The following ZPBP2 variants were observed in gnomAD, a reference collection of about 807,000 sequenced individuals.
ZPBP2 encodes the protein zona pellucida binding protein 2, also known as zona pellucida-binding protein 2.
In ZPBP2, 34 loss-of-function variants were observed where a neutral mutation model predicts 37.5. That is an observed-to-expected ratio of 0.91 (90% confidence interval 0.69 to 1.21). The LOEUF (loss-of-function observed/expected upper bound fraction) is 1.21, where lower values mean the gene tolerates loss of function less well. ZPBP2 is among the 50% of genes most tolerant of loss of function. ZPBP2 has a pLI of 0.00. For synonymous variants in ZPBP2, 143 were observed against 138.4 expected, an observed-to-expected ratio of 1.03 and a Z score of -0.23; for missense variants, 397 against 413.5, an observed-to-expected ratio of 0.96 and a Z score of 0.35.
In ZPBP2 at chr17:39,877,551, A is replaced by G. The variant is rs528584488; in HGVS notation, c.*742A>G. On this transcript the variant is annotated 3_prime_UTR_variant, in exon 8 of 8. Coordinates refer to ENST00000348931, the MANE Select transcript of ZPBP2 (RefSeq NM_199321.3). Reference sequence around the variant, plus strand: ...TGTGTGCACCATTGCAGTCTCATACAGAATAGTTTCACCACCCTCAAAATC... The same window carrying G: ...TGTGTGCACCATTGCAGTCTCATACGGAATAGTTTCACCACCCTCAAAATC... 2 of 152,166 alleles carry G rather than the reference A, an allele frequency of 1.3e-5. No individual in the cohort carries two copies. Among genetic ancestry groups the G allele is most frequent in the African/African-American group, 4.8e-5 (2 of 41,408 alleles). 9.4% of individuals were successfully genotyped at this position (152,166 alleles called of 1,614,324 possible).
intron 7 of ZPBP2, among the ~76,000 whole-genome samples, chr17:39,876,049 T>C (rs1249856117): frequency 6.6e-6 from 1 of 151,546 alleles, no homozygotes; most frequent in Non-Finnish European, 1.5e-5. Context: ...GGATTACAGG[T>C]GTGCAATCTG....
Position 39,873,061 on chromosome 17 carries a change from G to A in ZPBP2, c.643G>A (p.Gly215Arg). ...IAFQVNPFAP[G>R]WKGACNGSVD... is the part of the protein sequence containing the mutation. ...CTCTTCAGTTAATCCTTTTGCGCCG[G>A]GGTGGAAAGGTGCTTGCAATGGATC... The change falls in exon 6 of 8, where the codon GGG becomes AGG. Residue 215 changes from glycine to arginine, a missense_variant. Physicochemically the swap from Gly to Arg is moderately radical, Grantham distance 125. Transcript: ENST00000348931. The A allele has an allele frequency of 6.2e-7, 1 of 1,611,228 alleles. No homozygotes were observed. Among genetic ancestry groups the A allele is most frequent in the Non-Finnish European group, 8.5e-7 (1 of 1,178,830 alleles).
At position 39,868,278 on chromosome 17, in the gene ZPBP2, T is replaced by G; in HGVS notation, c.-77T>G. ...GTTCTGCTCCGCACTGTGGAGGAGG[T>G]GGGGAGGTGTTGGGCCAGGGCTGAG... On this transcript the variant is annotated 5_prime_UTR_variant, in exon 1 of 8. Coordinates refer to ENST00000348931, the MANE Select transcript of ZPBP2 (RefSeq NM_199321.3). 1 of 1,528,272 alleles carries G rather than the reference T, an allele frequency of 6.5e-7. No homozygotes were observed. The highest frequency in any genetic ancestry group is 8.9e-7 in the Non-Finnish European group (1 of 1,122,234). The allele number at this position is 1,528,272 out of a possible 1,614,324, so 94.7% of individuals were successfully genotyped here.
At position 39,876,665 on chromosome 17, in the gene ZPBP2, T is replaced by C. The variant is rs200705238; in HGVS notation, c.890-17T>C. 85 of 1,612,558 alleles carry C rather than the reference T, an allele frequency of 5.3e-5. No individual in the cohort carries two copies. The highest frequency in any genetic ancestry group is 6.1e-5 in the Non-Finnish European group (72 of 1,179,160). On this transcript the variant is annotated splice_polypyrimidine_tract_variant and intron_variant, in intron 7 of 7. Coordinates refer to ENST00000348931, the MANE Select transcript of ZPBP2 (RefSeq NM_199321.3). ...ATATCTCTAAATTATAATTACTCCC[T>C]GTGTTTTCCTCTGCAGTGGTTTGTA...
chr17:39,870,741 A>G lies in ZPBP2; in HGVS notation c.166A>G (p.Met56Val), dbSNP rs773660363. ...LHQNSPVLIC[M>V]DFKLSKKEIV... ...TCAAAATAGTCCAGTCCTTATCTGT[A>G]TGGATTTTAAGCTTTCTAAAAAAGA... The change falls in exon 3 of 8, where the codon ATG (methionine) becomes GTG (valine). Residue 56 changes from methionine (M) to valine (V), a missense_variant. By Grantham distance (21) the Met-to-Val change is conservative (BLOSUM62 1). Coordinates refer to ENST00000348931, the MANE Select transcript of ZPBP2 (RefSeq NM_199321.3). The G allele has an allele frequency of 7.0e-6, 11 of 1,560,926 alleles. No individual in the cohort carries two copies. The highest frequency in any genetic ancestry group is 1.3e-5 in the African/African-American group (1 of 74,198).
chr17:39,873,531 T>A (rs1339584669), intron 6 of ZPBP2, among the ~76,000 whole-genome samples: 1 of 152,072 alleles, frequency 6.6e-6, no homozygotes, highest in East Asian at 1.9e-4. Flanking sequence ...AAGATGTGAT[T>A]TTTTTTTCTT....
intron 6 of ZPBP2, among the ~76,000 whole-genome samples, chr17:39,874,145 C>A (rs1419168950): frequency 2.6e-5 from 4 of 151,838 alleles, no homozygotes; most frequent in Admixed American, 6.6e-5. Flanking sequence ...ACCACCACAC[C>A]CACACCCGGC....
intron 7 of ZPBP2, among the ~76,000 whole-genome samples, chr17:39,875,883 CTTTTTTTTTTTTTT>C (rs34192567): frequency 1.7e-4 from 11 of 63,770 alleles, no homozygotes; most frequent in South Asian, 1.1e-3. Flanking sequence ...TGCTTGGCCC[CTTTTTTTTTTTTTT>C]TTTTTTTTTT....
rs2063393287 is a variant in ZPBP2, at chr17:39,876,879, T to C, written c.*70T>C. The C allele has an allele frequency of 3.2e-6, 5 of 1,581,740 alleles. No homozygotes were observed. Among genetic ancestry groups the C allele is most frequent in the African/African-American group, 2.7e-5 (2 of 74,048 alleles). On this transcript the variant is annotated 3_prime_UTR_variant, in exon 8 of 8. Transcript: ENST00000348931. ...ATGATTTTCACATCCCAGAGCATCA[T>C]AGATAGTTCCATTAAGTAAAATCAG...
In ZPBP2 at chr17:39,868,657, G is replaced by GA. The variant is rs773095706; in HGVS notation, c.118+45dup. On this transcript the variant is annotated intron_variant, in intron 2 of 7. Transcript: ENST00000348931. ...ACACGCGGGCCCATTGGAGGGGCCG[G>GA]AACTGCGAAGCTCTTCCCGGAAGAG... 1.1e-5 allele frequency: 18 copies of GA among 1,609,194 alleles called. No individual in the cohort carries two copies. The East Asian group carries it at 4.0e-4, about 36-fold the overall frequency.
intron 6 of ZPBP2, 27 bp from the exon 7 acceptor site, chr17:39,875,227 C>G: frequency 6.3e-7 from 1 of 1,595,504 alleles, no homozygotes; most frequent in Non-Finnish European, 8.5e-7. Flanking sequence ...AGTAATTGTA[C>G]CTTTCTCTGG....
Position 39,872,346 on chromosome 17 carries a change from T to C in ZPBP2, c.483T>C (p.Asp161=). 1 of 1,613,594 alleles carries C rather than the reference T, an allele frequency of 6.2e-7. No individual in the cohort carries two copies. Among genetic ancestry groups the C allele is most frequent in the Non-Finnish European group, 8.5e-7 (1 of 1,179,764 alleles). Residue 161 remains aspartate (D), a synonymous_variant, in exon 5 of 8, where the codon GAT becomes GAC. Coordinates refer to ENST00000348931, the MANE Select transcript of ZPBP2 (RefSeq NM_199321.3). ...GGTCTTGTATAGGGAGATACAATGA[T>C]GTATTCTTTAGAGTGCTGAAGAAAA... The part of the protein sequence containing the change: ...TTRSCIGRYN[D]VFFRVLKKIL...
chr17:39,876,714 G>A lies in ZPBP2; in HGVS notation c.922G>A (p.Val308Ile), dbSNP rs765543646. Reference protein sequence around the residue: ...VCSPATFSPDVNVTCQTCVSV... With the variant: ...VCSPATFSPDINVTCQTCVSV... Reference sequence around the variant, plus strand: ...TAGTCCTGCGACTTTTAGTCCTGATGTTAATGTAACTTGTCAGACCTGCGT... The same window carrying A: ...TAGTCCTGCGACTTTTAGTCCTGATATTAATGTAACTTGTCAGACCTGCGT... The change falls in exon 8 of 8, where the codon GTT (valine) becomes ATT (isoleucine). Residue 308 changes from valine (V) to isoleucine (I), a missense_variant. Coordinates refer to ENST00000348931, the MANE Select transcript of ZPBP2 (RefSeq NM_199321.3). 1.9e-6 allele frequency: 3 copies of A among 1,613,808 alleles called. No homozygotes were observed. Among genetic ancestry groups the A allele is most frequent in the African/African-American group, 1.3e-5 (1 of 74,906 alleles).
rs1418843639 is a variant in ZPBP2 at position 39,875,332 on chromosome 17, A to G, written c.787A>G (p.Met263Val). Residue 263 changes from methionine (M) to valine (V), a missense_variant, in exon 7 of 8, where the codon ATG becomes GTG. Physicochemically the swap from Met to Val is conservative, Grantham distance 21. Transcript: ENST00000348931. ...TAACTTTAATAAAACTCTACCAGCA[A>G]TGCATTTTGTGGACCACAGTTTGCA... ...YHNFNKTLPA[M>V]HFVDHSLQVV... The G allele has an allele frequency of 1.2e-6, 2 of 1,614,060 alleles. No homozygotes were observed. Among genetic ancestry groups the G allele is most frequent in the Non-Finnish European group, 1.7e-6 (2 of 1,179,978 alleles).
At chr17:39,873,247 C>T in intron 6 of ZPBP2, 121 bp downstream of exon 6, 3 of 693,988 alleles carry the variant, frequency 4.3e-6, no homozygotes, top group Admixed American at 4.0e-5. Context: ...CTCCTGGGCT[C>T]AAGTGATCTT....
At chr17:39,869,164 G>A (rs12150079) in intron 2 of ZPBP2, among the ~76,000 whole-genome samples, 36,277 of 152,066 alleles carry the variant, frequency 0.24, 5,240 homozygotes, top group Non-Finnish European at 0.32. Flanking sequence ...GTAGGACGTT[G>A]TCTTTATGAG....
Position 39,876,866 on chromosome 17 carries a change from T to C in ZPBP2, c.*57T>C, listed in dbSNP as rs966723582. 3 of 1,601,936 alleles carry C rather than the reference T, an allele frequency of 1.9e-6. No individual in the cohort carries two copies. Among genetic ancestry groups the C allele is most frequent in the African/African-American group, 2.7e-5 (2 of 74,566 alleles). ...TCGGGGACATAAGATGATTTTCACATCCCAGAGCATCATAGATAGTTCCAT... is the reference window on the plus strand; with the variant it reads ...TCGGGGACATAAGATGATTTTCACACCCCAGAGCATCATAGATAGTTCCAT... On this transcript the variant is annotated 3_prime_UTR_variant, in exon 8 of 8. Coordinates refer to ENST00000348931, the MANE Select transcript of ZPBP2 (RefSeq NM_199321.3).
Position 39,877,700 on chromosome 17 carries a change from T to TA in ZPBP2, c.*891_*892insA, listed in dbSNP as rs1325744671. ...GTTGGAGTTATGCAGTATGTAGACT[T>TA]TTTAGACTGGCTTCTTTCACTTAGC... On this transcript the variant is annotated 3_prime_UTR_variant, in exon 8 of 8. Transcript: ENST00000348931. 1 of 152,216 alleles carries TA rather than the reference T, an allele frequency of 6.6e-6. No homozygotes were observed. The highest frequency in any genetic ancestry group is 2.4e-5 in the African/African-American group (1 of 41,444). 9.4% of individuals were successfully genotyped at this position (152,216 alleles called of 1,614,324 possible).
chr17:39,870,168 C>T (rs773755327), intron 2 of ZPBP2, among the ~76,000 whole-genome samples: 23 of 152,156 alleles, frequency 1.5e-4, no homozygotes, highest in Non-Finnish European at 3.1e-4. Context: ...CTCAGCCTCC[C>T]GGGTAGCTGG....
Sources: allele counts gnomAD v4.1 joint callset (sites outside exome capture counted in the v4.1 genomes callset), GRCh38; gene constraint gnomAD v4.1.1; transcripts MANE v1.5; gene names NCBI Gene and HGNC (gene_info 2026-07-23, HGNC 2026-07-21).